ASF1A: variants seen among roughly 807,000 people sequenced by gnomAD.
ASF1A encodes the protein anti-silencing function 1A histone chaperone, also known as histone chaperone ASF1A.
A neutral mutation model predicts 22.0 loss-of-function variants in ASF1A; 5 were observed. That is an observed-to-expected ratio of 0.23 (90% CI 0.12 to 0.48). The LOEUF (loss-of-function observed/expected upper bound fraction) is 0.48. ASF1A is among the 20% of genes least tolerant of loss of function. ASF1A has a pLI of 0.99. For synonymous variants in ASF1A, 97 were observed against 86.7 expected, an observed-to-expected ratio of 1.12 and a Z score of -0.66; for missense variants, 137 against 240.6, an observed-to-expected ratio of 0.57 and a Z score of 2.85.
At chr6:118,894,714 C>T (rs1020647084) in intron 1 of ASF1A, among the ~76,000 whole-genome samples, 192 bp downstream of exon 1, 3 of 152,246 alleles carry the variant, frequency 2.0e-5, no homozygotes, top group Non-Finnish European at 4.4e-5. Flanking sequence ...GCCCAGGCGC[C>T]TGCCGGGCTC....
At chr6:118,905,356 T>G (rs778024657) in intron 2 of ASF1A, among the ~76,000 whole-genome samples, 9 of 47,672 alleles carry the variant, frequency 1.9e-4, no homozygotes, top group Non-Finnish European at 3.0e-4. Context: ...TTATAATGAA[T>G]AGTGTATAAT....
At chr6:118,897,212 C>T (rs1307762188) in intron 1 of ASF1A, among the ~76,000 whole-genome samples, 1 of 152,140 alleles carries the variant, frequency 6.6e-6, no homozygotes, top group Non-Finnish European at 1.5e-5. Context: ...AGTTTGGCCA[C>T]CGTTTTTCAT....
intron 3 of ASF1A, among the ~76,000 whole-genome samples, 168 bp from the exon 4 acceptor site, chr6:118,907,234 G>A (rs1485411440): frequency 2.0e-5 from 3 of 152,060 alleles, no homozygotes; most frequent in Non-Finnish European, 2.9e-5. Context: ...AGCCCTAGTC[G>A]TTACATCTTA....
rs1034172825 is a variant in ASF1A, at chr6:118,898,709, C to T, written c.110-2057C>T. Reference sequence around the variant, plus strand: ...CTGGGATTACAGGCGTGAGCCACTGCGCCCAGCCACTCTATGTGATAATTC... The same window carrying T: ...CTGGGATTACAGGCGTGAGCCACTGTGCCCAGCCACTCTATGTGATAATTC... On this transcript the variant is annotated intron_variant, in intron 1 of 3. Coordinates refer to ENST00000229595, the MANE Select transcript of ASF1A (RefSeq NM_014034.3). Among the ~76,000 whole-genome samples, 5 of 152,188 alleles carry T rather than the reference C, an allele frequency of 3.3e-5. No homozygotes were observed. The South Asian group carries it at 8.3e-4, about 25-fold the overall frequency.
chr6:118,894,906 G>A (rs966921779), intron 1 of ASF1A, among the ~76,000 whole-genome samples: 1 of 152,142 alleles, frequency 6.6e-6, no homozygotes, highest in Admixed American at 6.5e-5. Flanking sequence ...AGGCTGGGAA[G>A]GGAGAGGCTG....
At chr6:118,899,368 C>A (rs1779653407) in intron 1 of ASF1A, among the ~76,000 whole-genome samples, 1 of 152,140 alleles carries the variant, frequency 6.6e-6, no homozygotes, top group African/African-American at 2.4e-5. Flanking sequence ...GGGTTTGGTG[C>A]TTTCCTCCTT....
At chr6:118,905,623 GTGTT>G in intron 2 of ASF1A, 25 bp from the exon 3 acceptor site, 1 of 1,562,734 alleles carries the variant, frequency 6.4e-7, no homozygotes, top group Non-Finnish European at 8.7e-7. Flanking sequence ...TTGTGTGTGT[GTGTT>G]TCTTTTCTTT....
At chr6:118,901,632 T>C (rs536989783) in intron 2 of ASF1A, among the ~76,000 whole-genome samples, 4 of 152,326 alleles carry the variant, frequency 2.6e-5, no homozygotes, top group Admixed American at 6.5e-5. Context: ...CCATGTTAAA[T>C]TGCTATATGG....
chr6:118,903,206 A>G (rs977788410), intron 2 of ASF1A, among the ~76,000 whole-genome samples: 1 of 152,208 alleles, frequency 6.6e-6, no homozygotes, highest in Non-Finnish European at 1.5e-5. Flanking sequence ...CTGAACTATT[A>G]TATATTTCCC....
At chr6:118,906,081 T>C (rs972103219) in intron 3 of ASF1A, among the ~76,000 whole-genome samples, 1 of 147,436 alleles carries the variant, frequency 6.8e-6, no homozygotes, top group Non-Finnish European at 1.5e-5. Context: ...AAAGTACCTC[T>C]TTTTTTTCTG....
chr6:118,895,301 C>T (rs1779313073), intron 1 of ASF1A, among the ~76,000 whole-genome samples: 2 of 152,080 alleles, frequency 1.3e-5, no homozygotes, highest in African/African-American at 4.8e-5. Flanking sequence ...GCGCAGGCTC[C>T]CCAACCAACG....
chr6:118,901,680 A>C (rs1223805838), intron 2 of ASF1A, among the ~76,000 whole-genome samples: 5 of 152,310 alleles, frequency 3.3e-5, no homozygotes, highest in African/African-American at 4.8e-5. Context: ...ATGCTTATTT[A>C]TAAGGGAGAT....
rs1779376907 is a variant in ASF1A at position 118,895,998 on chromosome 6, T to G, written c.109+1476T>G. ...TCTCTGTACTCAGTGCCTTGCCCTA[T>G]CTCCTTTCGGTAATCACAATTATTA... On this transcript the variant is annotated intron_variant, in intron 1 of 3. Coordinates refer to ENST00000229595, the MANE Select transcript of ASF1A (RefSeq NM_014034.3). Among the ~76,000 whole-genome samples, 3 of 151,734 alleles carry G rather than the reference T, an allele frequency of 2.0e-5. No individual in the cohort carries two copies. In the South Asian group the frequency reaches 6.2e-4, roughly 32 times the overall value.
intron 3 of ASF1A, among the ~76,000 whole-genome samples, chr6:118,906,182 C>G (rs1254773120): frequency 6.6e-6 from 1 of 152,166 alleles, no homozygotes; most frequent in East Asian, 1.9e-4. Context: ...AAGCGATTCT[C>G]CTGTCTCAGC....
intron 2 of ASF1A, among the ~76,000 whole-genome samples, chr6:118,904,414 T>C (rs1035845613): frequency 1.3e-5 from 2 of 152,218 alleles, no homozygotes; most frequent in Non-Finnish European, 1.5e-5. Context: ...CCCAGGAATA[T>C]TCCTTGGTGC....
At chr6:118,903,057 A>T (rs1030777211) in intron 2 of ASF1A, among the ~76,000 whole-genome samples, 1 of 152,210 alleles carries the variant, frequency 6.6e-6, no homozygotes, top group Admixed American at 6.5e-5. Context: ...GCTCAAACTG[A>T]ATCTTTTTCA....
At chr6:118,894,893 C>G (rs74184761) in intron 1 of ASF1A, among the ~76,000 whole-genome samples, 23,456 of 152,116 alleles carry the variant, frequency 0.15, 1,920 homozygotes, top group Non-Finnish European at 0.19. Flanking sequence ...GGCCCGAGCA[C>G]GGAGGCTGGG....
At chr6:118,907,191 G>T (rs888025969) in intron 3 of ASF1A, among the ~76,000 whole-genome samples, 10 of 152,090 alleles carry the variant, frequency 6.6e-5, no homozygotes. Flanking sequence ...TCCGTATCTT[G>T]TTTCTGTTAA....
intron 1 of ASF1A, among the ~76,000 whole-genome samples, chr6:118,899,304 TATG>T (rs1779647498): frequency 6.6e-6 from 1 of 152,206 alleles, no homozygotes; most frequent in South Asian, 2.1e-4. Context: ...CCAGAGTCCT[TATG>T]ATGGCCTTCA....
Sources: gnomAD v4.1 joint callset for allele counts (sites outside exome capture counted in the v4.1 genomes callset) on GRCh38, gnomAD v4.1.1 for gene constraint, MANE v1.5 for transcripts, NCBI Gene and HGNC (gene_info 2026-07-23, HGNC 2026-07-21) for gene names.